Variants in CYP4Z1 observed in about 807,000 individuals in gnomAD.
CYP4Z1 encodes the protein cytochrome P450 family 4 subfamily Z member 1, also known as cytochrome P450 4Z1.
CYP4Z1 carries 41 observed loss-of-function variants against 54.2 expected under a neutral mutation model. The observed-to-expected ratio is 0.76, with a 90% CI of 0.59 to 0.98. The LOEUF is 0.98. Ranked by LOEUF, CYP4Z1 falls within the 50% of genes least tolerant of loss-of-function variation. The pLI, the probability that CYP4Z1 is intolerant of heterozygous loss-of-function variation, is 0.00. For synonymous variants in CYP4Z1, 163 were observed against 206.2 expected (o/e 0.79, Z 1.79); for missense variants, 513 against 599.0 (o/e 0.86, Z 1.50).
chr1:47,082,087 G>C (rs1204245603), intron 3 of CYP4Z1, among the ~76,000 whole-genome samples: 3 of 151,262 alleles, frequency 2.0e-5, no homozygotes, highest in Admixed American at 6.6e-5. Context: ...CTTATCAAGA[G>C]GCTGATGAAT....
chr1:47,074,445 G>C (rs1644504835), intron 2 of CYP4Z1, among the ~76,000 whole-genome samples: 1 of 151,948 alleles, frequency 6.6e-6, no homozygotes, highest in African/African-American at 2.4e-5. Context: ...TTAGGATAAT[G>C]TCCTGCACCT....
At chr1:47,090,318 A>C (rs1488311286) in intron 6 of CYP4Z1, among the ~76,000 whole-genome samples, 1 of 152,236 alleles carries the variant, frequency 6.6e-6, no homozygotes, top group African/African-American at 2.4e-5. Flanking sequence ...TATAAGGATA[A>C]TAATTAGGCA....
chr1:47,101,667 TAC>T (rs1458071757), intron 8 of CYP4Z1, among the ~76,000 whole-genome samples: 5 of 152,182 alleles, frequency 3.3e-5, no homozygotes, highest in Non-Finnish European at 7.4e-5. Flanking sequence ...TGTCCTAACA[TAC>T]AGTCTATACT....
In CYP4Z1 at chr1:47,109,201, A is replaced by G. The variant is rs533985040; in HGVS notation, c.1201+2940A>G. ...AAAGTGAAAAGAATGGAAGGAAGGT[A>G]TTTAACAAACAAAAAGAGAGAGAGA... On this transcript the variant is annotated intron_variant, in intron 9 of 11. Coordinates refer to ENST00000334194, the MANE Select transcript of CYP4Z1 (RefSeq NM_178134.3). 9.2e-5 allele frequency among the ~76,000 whole-genome samples: 14 copies of G among 152,384 alleles called. No individual in the cohort carries two copies. In the East Asian group the frequency reaches 2.7e-3, roughly 29 times the overall value.
At chr1:47,084,801 T>C (rs1298592714) in intron 5 of CYP4Z1, 23 bp from the exon 6 acceptor site, 1 of 1,596,790 alleles carries the variant, frequency 6.3e-7, no homozygotes, top group Non-Finnish European at 8.5e-7. Context: ...CACTAACATG[T>C]TGTTCCATCT....
At chr1:47,098,547 C>G (rs1644696831) in intron 7 of CYP4Z1, among the ~76,000 whole-genome samples, 1 of 152,158 alleles carries the variant, frequency 6.6e-6, no homozygotes, top group African/African-American at 2.4e-5. Flanking sequence ...TTTGTCTATT[C>G]AACTTGTATA....
chr1:47,084,869 C>G lies in CYP4Z1; in HGVS notation c.663C>G (p.Ile221Met). Residue 221 changes from isoleucine to methionine, a missense_variant, in exon 6 of 12, where the codon ATC becomes ATG. Transcript: ENST00000334194. ...AAGCAGTGTTCAACCTTAGCAAAAT[C>G]TCCAACCAGCGCATGAACAATTTTC... ...YLKAVFNLSK[I>M]SNQRMNNFLH... 2.6e-6 allele frequency: 4 copies of G among 1,528,914 alleles called. No homozygotes were observed. The highest frequency in any genetic ancestry group is 1.8e-4 in the Middle Eastern group (1 of 5,660). 94.7% of individuals were successfully genotyped at this position (1,528,914 alleles called of 1,614,324 possible). A position where few individuals can be genotyped will look rare whatever the true frequency, so the allele number is the denominator to read the frequency against.
intron 7 of CYP4Z1, among the ~76,000 whole-genome samples, chr1:47,098,624 A>G (rs1156441936): frequency 2.6e-5 from 4 of 152,212 alleles, no homozygotes; most frequent in Admixed American, 1.3e-4. Context: ...TTTTCACCTA[A>G]TAATAAATCA....
chr1:47,070,914 G>T (rs2148525001), intron 2 of CYP4Z1, among the ~76,000 whole-genome samples: 1 of 131,244 alleles, frequency 7.6e-6, no homozygotes, highest in South Asian at 3.0e-4. Flanking sequence ...ATACCCACCA[G>T]CAATGCACAA....
At chr1:47,103,341 G>A (rs780168401) in intron 8 of CYP4Z1, among the ~76,000 whole-genome samples, 21 of 143,442 alleles carry the variant, frequency 1.5e-4, no homozygotes, top group Non-Finnish European at 2.8e-4. Flanking sequence ...CACCATGCCT[G>A]GCTAATTTTT....
chr1:47,086,995 G>T (rs1218831258), intron 6 of CYP4Z1, among the ~76,000 whole-genome samples: 1 of 152,174 alleles, frequency 6.6e-6, no homozygotes, highest in Non-Finnish European at 1.5e-5. Context: ...TCAAATATCA[G>T]ATGGGTGTAC....
upstream of CYP4Z1, among the ~76,000 whole-genome samples, chr1:47,062,918 G>A (rs1644431520): frequency 6.6e-6 from 1 of 152,144 alleles, no homozygotes; most frequent in Non-Finnish European, 1.5e-5. Flanking sequence ...TTTCCTGGCT[G>A]GAGGCCAACC....
At chr1:47,108,205 C>G (rs1321158276) in intron 9 of CYP4Z1, among the ~76,000 whole-genome samples, 13 of 152,154 alleles carry the variant, frequency 8.5e-5, no homozygotes, top group Non-Finnish European at 1.9e-4. Flanking sequence ...ACCCTGCTTT[C>G]CTTCCTGCCC....
At chr1:47,082,211 T>G in intron 3 of CYP4Z1, 123 bp from the exon 4 acceptor site, 1 of 1,258,748 alleles carries the variant, frequency 7.9e-7, no homozygotes. Flanking sequence ...ATTCACTCTT[T>G]CAAAGCTCTG....
chr1:47,076,847 A>G (rs1388903529), intron 2 of CYP4Z1, among the ~76,000 whole-genome samples: 1 of 141,862 alleles, frequency 7.0e-6, no homozygotes, highest in Admixed American at 7.1e-5. Context: ...GCTGTCTCAA[A>G]AAAAAAAAAA....
Position 47,068,639 on chromosome 1 carries a change from G to A in CYP4Z1, c.195G>A (p.Glu65=), listed in dbSNP as rs750072642. 6.2e-6 allele frequency: 10 copies of A among 1,614,040 alleles called. No individual in the cohort carries two copies. The highest frequency in any genetic ancestry group is 8.5e-7 in the Non-Finnish European group (1 of 1,180,000). Residue 65 remains glutamate (E), a synonymous_variant, in exon 2 of 12, where the codon GAG becomes GAA. Coordinates refer to ENST00000334194, the MANE Select transcript of CYP4Z1 (RefSeq NM_178134.3). ...YGHKEFYPVK[E]FEVYHKLMEK... is the part of the protein sequence containing the mutation. ...TATGACAGTTTTACCCAGTAAAGGA[G>A]TTTGAGGTGTATCATAAGCTGATGG...
Position 47,084,886 on chromosome 1 carries a change from A to C in CYP4Z1, c.680A>C (p.Asn227Thr). The change falls in exon 6 of 12, where the codon AAC becomes ACC. Residue 227 changes from asparagine (N) to threonine (T), a missense_variant. Transcript: ENST00000334194. ...AGCAAAATCTCCAACCAGCGCATGA[A>C]CAATTTTCTACATCACAACGACCTG... ...NLSKISNQRM[N>T]NFLHHNDLVF... The C allele has an allele frequency of 6.5e-7, 1 of 1,537,108 alleles. No homozygotes were observed. The highest frequency in any genetic ancestry group is 8.8e-7 in the Non-Finnish European group (1 of 1,142,566).
Position 47,099,191 on chromosome 1 carries a change from G to A in CYP4Z1, c.974G>A (p.Trp325Ter), listed in dbSNP as rs568325668. Residue 325 changes from tryptophan (W) to a stop codon, truncating the protein, a stop_gained, in exon 8 of 12, where the codon TGG becomes TAG. Transcript: ENST00000334194. LOFTEE classifies it high-confidence loss of function. ...GHDTTSSAIS[W>*]ILYCLAKYPE... ...GACACCACATCCAGTGCTATCTCCTGGATCCTTTACTGCTTGGCAAAGTAC... is the reference window on the plus strand; with the variant it reads ...GACACCACATCCAGTGCTATCTCCTAGATCCTTTACTGCTTGGCAAAGTAC... 7.4e-6 allele frequency: 12 copies of A among 1,613,828 alleles called. No individual in the cohort carries two copies. Among genetic ancestry groups the A allele is most frequent in the African/African-American group, 1.3e-5 (1 of 74,888 alleles).
upstream of CYP4Z1, among the ~76,000 whole-genome samples, chr1:47,062,775 G>A (rs9730502): frequency 0.42 from 63,644 of 151,906 alleles, 14,690 homozygotes; most frequent in East Asian, 0.97. Context: ...AGCCAAAGAC[G>A]AAGGTCATAA....
Sources: gnomAD v4.1 joint callset for allele counts (sites outside exome capture counted in the v4.1 genomes callset) on GRCh38, gnomAD v4.1.1 for gene constraint, MANE v1.5 for transcripts, NCBI Gene and HGNC (gene_info 2026-07-23, HGNC 2026-07-21) for gene names.